LHX4: variants seen among roughly 807,000 people sequenced by gnomAD.
LHX4 encodes LIM/homeobox protein Lhx4.
LHX4 carries 16 observed loss-of-function variants against 39.2 expected under a neutral mutation model. The ratio of observed to expected loss-of-function variants is 0.41; its 90% CI spans 0.28 to 0.62. The LOEUF is 0.62. Ranked by LOEUF, LHX4 falls within the 20% of genes least tolerant of loss-of-function variation. The pLI is 0.33. For missense variants in LHX4, 439 were observed against 511.9 expected (o/e 0.86, Z 1.37); for synonymous variants, 206 against 198.1 (o/e 1.04, Z -0.33).
At chr1:180,270,535 G>A (rs119465) in intron 3 of LHX4, 14,012 of 152,316 alleles carry the variant, frequency 0.092, 793 homozygotes, top group African/African-American at 0.14. Context: ...ACTTTGAATG[G>A]AACAAACCAG....
chr1:180,278,729 G>A lies in LHX4; in HGVS notation c.*4150G>A, dbSNP rs893503918. On this transcript the variant is annotated 3_prime_UTR_variant, in exon 6 of 6. Transcript: ENST00000263726. ...TCTGAGCTTGCAATCAGACCTCAAA[G>A]CCCCAGATCCCCTCAGCTCTGGATC... 1 of 151,818 alleles carries A rather than the reference G, an allele frequency of 6.6e-6. No homozygotes were observed. The highest frequency in any genetic ancestry group is 1.5e-5 in the Non-Finnish European group (1 of 68,024). The allele number at this position is 151,818 out of a possible 1,614,324, so 9.4% of individuals were successfully genotyped here.
Position 180,272,002 on chromosome 1 carries a change from C to T in LHX4, c.774C>T (p.Phe258=), listed in dbSNP as rs565803862. ...GGGTTAGTGACAGTGAGCTGAGCTT[C>T]CGAGGTGAGCAGGGCTGGAGGGGCC... ...DCGVSDSELS[F]REDQILSELG... Residue 258 remains phenylalanine, a synonymous_variant, in exon 5 of 6, where the codon TTC becomes TTT. Coordinates refer to ENST00000263726, the MANE Select transcript of LHX4 (RefSeq NM_033343.4). 2.8e-5 allele frequency: 45 copies of T among 1,612,004 alleles called. No homozygotes were observed. The East Asian group carries it at 9.2e-4, about 33-fold the overall frequency.
chr1:180,265,774 G>C (rs933402877), intron 2 of LHX4, among the ~76,000 whole-genome samples: 3 of 152,236 alleles, frequency 2.0e-5, no homozygotes, highest in Admixed American at 1.3e-4. Context: ...GGGGATGGAG[G>C]TAGGCTTGGA....
In LHX4 at chr1:180,232,075, C is replaced by G. The variant is rs925956755; in HGVS notation, c.76+1470C>G. Among the ~76,000 whole-genome samples the G allele has an allele frequency of 6.6e-6, 1 of 152,154 alleles. No homozygotes were observed. Among genetic ancestry groups the G allele is most frequent in the Admixed American group, 6.6e-5 (1 of 15,266 alleles). On this transcript the variant is annotated intron_variant, in intron 1 of 5. Coordinates refer to ENST00000263726, the MANE Select transcript of LHX4 (RefSeq NM_033343.4). This position sits in a 1 kb window ranked among gnomAD's most constrained non-coding sequence, Gnocchi z 5.4. ...GAAGGCATTGGAGATTCACTACGCC[C>G]CACACCCCGCACACAGGCAGGGACA...
Position 180,232,790 on chromosome 1 carries a change from A to G in LHX4, c.76+2185A>G, listed in dbSNP as rs961504400. Among the ~76,000 whole-genome samples the G allele has an allele frequency of 1.3e-5, 2 of 152,166 alleles. No individual in the cohort carries two copies. Among genetic ancestry groups the G allele is most frequent in the African/African-American group, 4.8e-5 (2 of 41,430 alleles). ...GGTCCCCATCACCCACATATACACA[A>G]CTATTAGTTTTCTTGGGACTGGGCC... On this transcript the variant is annotated intron_variant, in intron 1 of 5. Transcript: ENST00000263726. The surrounding 1 kb of genome is among the most constrained non-coding windows in gnomAD (Gnocchi z 5.4).
At chr1:180,249,951 T>C (rs147101463) in intron 2 of LHX4, among the ~76,000 whole-genome samples, 1 of 150,888 alleles carries the variant, frequency 6.6e-6, no homozygotes, top group Non-Finnish European at 1.5e-5. Flanking sequence ...GTTGTGTGAG[T>C]GTGAGAGTGT....
chr1:180,238,853 A>T (rs1571258259), intron 1 of LHX4, among the ~76,000 whole-genome samples: 1 of 152,168 alleles, frequency 6.6e-6, no homozygotes, highest in Non-Finnish European at 1.5e-5. Flanking sequence ...GGCGGCACAC[A>T]CCAGATTTGT....
chr1:180,253,177 G>A (rs941503892), intron 2 of LHX4, among the ~76,000 whole-genome samples: 1 of 152,170 alleles, frequency 6.6e-6, no homozygotes, highest in African/African-American at 2.4e-5. Context: ...ATGACTCCTC[G>A]TGTCGCATTT....
At chr1:180,237,976 A>G (rs1664363342) in intron 1 of LHX4, among the ~76,000 whole-genome samples, 1 of 152,248 alleles carries the variant, frequency 6.6e-6, no homozygotes, top group Admixed American at 6.5e-5. Context: ...GGATTTGCTT[A>G]ATGTAATTTT....
At chr1:180,255,527 A>G (rs1341412941) in intron 2 of LHX4, among the ~76,000 whole-genome samples, 4 of 152,258 alleles carry the variant, frequency 2.6e-5, no homozygotes, top group Non-Finnish European at 5.9e-5. Context: ...CGCTAAGCAA[A>G]TTAAACCTTT....
intron 2 of LHX4, among the ~76,000 whole-genome samples, chr1:180,257,663 G>A (rs998720054): frequency 6.6e-6 from 1 of 152,248 alleles, no homozygotes; most frequent in Non-Finnish European, 1.5e-5. Context: ...AGAAATACAT[G>A]TAGGGAAGTG....
At chr1:180,269,032 A>C (rs1648462129) in intron 3 of LHX4, among the ~76,000 whole-genome samples, 1 of 152,204 alleles carries the variant, frequency 6.6e-6, no homozygotes, top group African/African-American at 2.4e-5. Context: ...CATTTTCAAT[A>C]TAATGAGGTT....
chr1:180,274,929 G>T lies in LHX4; in HGVS notation c.*350G>T, dbSNP rs1473611932. The T allele has an allele frequency of 4.7e-6, 1 of 214,082 alleles. No individual in the cohort carries two copies. Among genetic ancestry groups the T allele is most frequent in the African/African-American group, 2.3e-5 (1 of 44,202 alleles). 13.3% of individuals were successfully genotyped at this position (214,082 alleles called of 1,614,324 possible). A position where few individuals can be genotyped will look rare whatever the true frequency, so the allele number is the denominator to read the frequency against. On this transcript the variant is annotated 3_prime_UTR_variant, in exon 6 of 6. Transcript: ENST00000263726. ...TGTGATAGGCCCCCTTGGCCTTTGG[G>T]AACTTTGCTCCAACTGGTGTGTCTC...
At position 180,271,850 on chromosome 1, in the gene LHX4, A is replaced by C. The variant is rs1294068223; in HGVS notation, c.622A>C (p.Arg208=). ...TGTGTGGCAGGTTTGGTTTCAGAACAGAAGGGCCAAAGAGAAACGCCTGAA... is the reference window on the plus strand; with the variant it reads ...TGTGTGGCAGGTTTGGTTTCAGAACCGAAGGGCCAAAGAGAAACGCCTGAA... ...MRVVQVWFQN[R]RAKEKRLKKD... is the part of the protein sequence containing the mutation. Residue 208 remains arginine (R), a synonymous_variant, in exon 5 of 6, where the codon AGA becomes CGA. Coordinates refer to ENST00000263726, the MANE Select transcript of LHX4 (RefSeq NM_033343.4). 1.2e-6 allele frequency: 2 copies of C among 1,613,888 alleles called. No homozygotes were observed. The highest frequency in any genetic ancestry group is 1.7e-6 in the Non-Finnish European group (2 of 1,179,998).
chr1:180,271,293 T>C, intron 3 of LHX4, 87 bp from the exon 4 acceptor site: 4 of 1,468,968 alleles, frequency 2.7e-6, no homozygotes, highest in Non-Finnish European at 2.9e-6. Flanking sequence ...CAGGCTTAGG[T>C]GCAGAAAGGA....
At position 180,274,510 on chromosome 1, in the gene LHX4, T is replaced by C. The variant is rs754920772; in HGVS notation, c.1104T>C (p.Ser368=). The change falls in exon 6 of 6, where the codon AGT becomes AGC. Residue 368 remains serine, a synonymous_variant. Transcript: ENST00000263726. ...CCTCTGACATCTCCACAGGAAGCAG[T>C]GTAGGCTATCCCGACTTTCCAACTA... ...GPTSDISTGS[S]VGYPDFPTSP... is the part of the protein sequence containing the mutation. 2.5e-6 allele frequency: 4 copies of C among 1,611,782 alleles called. No homozygotes were observed. The African/African-American group carries it at 5.3e-5, about 22-fold the overall frequency.
chr1:180,264,401 A>G (rs2149262602), intron 2 of LHX4, among the ~76,000 whole-genome samples: 1 of 151,856 alleles, frequency 6.6e-6, no homozygotes, highest in Non-Finnish European at 1.5e-5. Context: ...ACACACACAC[A>G]CACACACACA....
chr1:180,269,914 G>T (rs1648535690), intron 3 of LHX4: 1 of 152,272 alleles, frequency 6.6e-6, no homozygotes, highest in Non-Finnish European at 1.5e-5. Flanking sequence ...TTCAGGGAGG[G>T]AGTTGGGCCA....
upstream of LHX4, among the ~76,000 whole-genome samples, chr1:180,230,092 T>A (rs1345314601): frequency 6.7e-6 from 1 of 148,184 alleles, no homozygotes; most frequent in Non-Finnish European, 1.5e-5. The surrounding 1 kb of genome is among the most constrained non-coding windows in gnomAD (Gnocchi z 5.8). Flanking sequence ...CGCCGCCGGG[T>A]TGGGGGATGT....
Sources: allele counts gnomAD v4.1 joint callset (sites outside exome capture counted in the v4.1 genomes callset), GRCh38; gene constraint gnomAD v4.1.1; non-coding constraint Gnocchi (gnomAD v3.1); transcripts MANE v1.5; gene names NCBI Gene and HGNC (gene_info 2026-07-23, HGNC 2026-07-21).